Variants in ZNF232 observed in about 807,000 individuals in gnomAD.
ZNF232 encodes the protein zinc finger and SCAN domain-containing protein 11.
ZNF232 carries 25 observed loss-of-function variants against 25.2 expected under a neutral mutation model. The ratio of observed to expected loss-of-function variants is 0.99; its 90% CI spans 0.72 to 1.39. ZNF232 has a LOEUF of 1.39. Ranked by LOEUF, ZNF232 falls within the 40% of genes most tolerant of loss-of-function variation. ZNF232 has a pLI of 0.00. For missense variants in ZNF232, 519 were observed against 520.9 expected, an observed-to-expected ratio of 1.00 and a Z score of 0.04; for synonymous variants, 193 against 182.9, an observed-to-expected ratio of 1.06 and a Z score of -0.45.
exon 3 of ZNF232, chr17:5,108,952 T>C (rs145517712): frequency 6.2e-7 from 1 of 1,614,096 alleles, no homozygotes; most frequent in Non-Finnish European, 8.5e-7. Context: ...CTGGGTCTCC[T>C]TAGGCTGGAG....
upstream of ZNF232, chr17:5,111,883 GC>G: frequency 6.2e-7 from 1 of 1,606,104 alleles, no homozygotes; most frequent in Middle Eastern, 1.7e-4. Flanking sequence ...GTTTGCGCCT[GC>G]GCAGGTCGCA....
chr17:5,111,975 G>A, upstream of ZNF232: 3 of 1,110,430 alleles, frequency 2.7e-6, no homozygotes, highest in Non-Finnish European at 3.8e-6. Context: ...GGGCGCTGCC[G>A]AGAGGCTGGG....
At chr17:5,122,505 G>A (rs965343503) in intron 1 of ZNF232, among the ~76,000 whole-genome samples, 2 of 152,230 alleles carry the variant, frequency 1.3e-5, no homozygotes, top group Admixed American at 1.3e-4. Flanking sequence ...AAGGACAAGC[G>A]GCCCGGCGGT....
upstream of ZNF232, among the ~76,000 whole-genome samples, chr17:5,116,233 T>C (rs1459660685): frequency 7.3e-6 from 1 of 137,794 alleles, no homozygotes; most frequent in African/African-American, 2.5e-5. Context: ...TGAGAGGACT[T>C]CCCGCCTGCG....
At chr17:5,119,427 CT>C (rs770296356) in intron 1 of ZNF232, among the ~76,000 whole-genome samples, 5 of 152,178 alleles carry the variant, frequency 3.3e-5, no homozygotes, top group Admixed American at 6.5e-5. Context: ...AAAATTAACT[CT>C]TTTGTCCTTC....
At chr17:5,123,110 C>G (rs1221795321), upstream of ZNF232, 1 of 153,418 alleles carries the variant, frequency 6.5e-6, no homozygotes, top group South Asian at 1.8e-4. Flanking sequence ...TCGTCGCGGG[C>G]GCCGTCAGAG....
At chr17:5,122,089 G>A (rs146717964) in intron 1 of ZNF232, among the ~76,000 whole-genome samples, 34 of 151,840 alleles carry the variant, frequency 2.2e-4, no homozygotes, top group African/African-American at 7.7e-4. Flanking sequence ...GATGTGTCAG[G>A]GGGCTGGAGC....
intron 2 of ZNF232, 82 bp downstream of exon 2, chr17:5,109,312 C>T: frequency 1.9e-6 from 3 of 1,544,802 alleles, no homozygotes; most frequent in Non-Finnish European, 8.9e-7. Context: ...TTGAACTTGG[C>T]ACCTCCCCCT....
chr17:5,109,854 T>A, exon 2 of ZNF232: 4 of 1,607,606 alleles, frequency 2.5e-6, no homozygotes, highest in Non-Finnish European at 3.4e-6. Context: ...CCAGCTGGAA[T>A]CTTGCAAGGG....
chr17:5,109,564 G>C (rs778309392), exon 2 of ZNF232: 17 of 1,614,048 alleles, frequency 1.1e-5, no homozygotes, highest in African/African-American at 2.7e-5. Flanking sequence ...TGTTTCTCTG[G>C]CCTCAGCCAC....
In ZNF232 at chr17:5,106,852, G is replaced by T. The variant is rs549798902; in HGVS notation, c.626-346C>A. 2.1e-3 allele frequency among the ~76,000 whole-genome samples: 324 copies of T among 152,242 alleles called. 2 individuals carry two copies. Among genetic ancestry groups the T allele is most frequent in the African/African-American group, 7.5e-3 (311 of 41,536 alleles). On this transcript the variant is annotated intron_variant, in intron 3 of 3. Coordinates refer to ENST00000575898, the Ensembl canonical transcript of ZNF232. ...AGGAATCAGGGAATGATGTTGTGAA[G>T]AAAGGGAAAAACATGAAAGAATCAT...
At chr17:5,114,239 A>C (rs1193336191), upstream of ZNF232, 1 of 152,196 alleles carries the variant, frequency 6.6e-6, no homozygotes, top group Non-Finnish European at 1.5e-5. Flanking sequence ...GCTACATTCC[A>C]AAACTTTATC....
At chr17:5,117,470 T>C (rs1347335788) in intron 1 of ZNF232, among the ~76,000 whole-genome samples, 2 of 146,858 alleles carry the variant, frequency 1.4e-5, no homozygotes, top group Non-Finnish European at 3.0e-5. Context: ...GAGCTGAGAT[T>C]GCACCACTGC....
chr17:5,112,542 C>T (rs1018514259), upstream of ZNF232, among the ~76,000 whole-genome samples: 4 of 151,672 alleles, frequency 2.6e-5, no homozygotes, highest in Non-Finnish European at 5.9e-5. Context: ...AGCTCCGCCT[C>T]CCGGGTTCAC....
At chr17:5,115,187 G>A (rs1426640634), upstream of ZNF232, among the ~76,000 whole-genome samples, 1 of 151,920 alleles carries the variant, frequency 6.6e-6, no homozygotes, top group African/African-American at 2.4e-5. Context: ...TCTTTTGGGG[G>A]GTGGGGCGGT....
chr17:5,116,804 A>G (rs965548969), upstream of ZNF232: 3 of 152,284 alleles, frequency 2.0e-5, no homozygotes, highest in African/African-American at 7.2e-5. Flanking sequence ...CAGGGTTAAC[A>G]GTTGCACTCA....
rs574212860 is a variant in ZNF232 at position 5,121,231 on chromosome 17, C to T, written c.-530+1746G>A. On this transcript the variant is annotated intron_variant, in intron 1 of 4. Transcript: ENST00000250076. ...CAGGCTGAATTCCTCCAAGGTCCAA[C>T]GTGGGTGCAGAGGGTCTTTGTGTGC... 1.1e-4 allele frequency: 44 copies of T among 392,556 alleles called. 1 individual carries two copies. Among genetic ancestry groups the T allele is most frequent in the South Asian group, 6.5e-4 (34 of 52,600 alleles). The allele number at this position is 392,556 out of a possible 1,614,324, so 24.3% of individuals were successfully genotyped here.
At chr17:5,116,688 C>T (rs2072546710), upstream of ZNF232, 1 of 152,238 alleles carries the variant, frequency 6.6e-6, no homozygotes, top group Non-Finnish European at 1.5e-5. Flanking sequence ...CCGCCAAGAC[C>T]GCTTTCGAGT....
chr17:5,111,474 A>C, intron 1 of ZNF232: 1 of 445,448 alleles, frequency 2.2e-6, no homozygotes, highest in Non-Finnish European at 4.0e-6. Flanking sequence ...GCCCCAGCAA[A>C]ACTTCTCTAC....
Sources: gnomAD v4.1 joint callset for allele counts (sites outside exome capture counted in the v4.1 genomes callset) on GRCh38, gnomAD v4.1.1 for gene constraint, MANE v1.5 for transcripts, NCBI Gene and HGNC (gene_info 2026-07-23, HGNC 2026-07-21) for gene names.